The following EGFLAM variants were observed in gnomAD, a reference collection of about 807,000 sequenced individuals.
EGFLAM encodes EGF like, fibronectin type III and laminin G domains.
A neutral mutation model predicts 113.1 loss-of-function variants in EGFLAM; 79 were observed. That is an observed-to-expected ratio of 0.70 (90% CI 0.58 to 0.84). The LOEUF is 0.84. Ranked by LOEUF, EGFLAM falls within the 40% of genes least tolerant of loss-of-function variation. EGFLAM has a pLI of 0.00. For missense variants in EGFLAM, 1,265 were observed against 1,291.6 expected (o/e 0.98, Z 0.32); for synonymous variants, 504 against 487.6 (o/e 1.03, Z -0.44).
At chr5:38,384,753 C>A (rs1268779405) in intron 6 of EGFLAM, among the ~76,000 whole-genome samples, 1 of 152,084 alleles carries the variant, frequency 6.6e-6, no homozygotes, top group African/African-American at 2.4e-5. Flanking sequence ...CACTTGGCTC[C>A]CACAGGCTCT....
At chr5:38,456,696 C>T (rs1327710033) in intron 19 of EGFLAM, among the ~76,000 whole-genome samples, 2 of 152,216 alleles carry the variant, frequency 1.3e-5, no homozygotes, top group East Asian at 3.8e-4. Context: ...AAGCCAAGCA[C>T]TTTCTATTCT....
rs1741284124 is a variant in EGFLAM at position 38,406,327 on chromosome 5, T to C, written c.828+86T>C. On this transcript the variant is annotated intron_variant, in intron 7 of 21. Coordinates refer to ENST00000322350, the MANE Select transcript of EGFLAM (RefSeq NM_152403.4). Reference sequence around the variant, plus strand: ...ATTTAGCCAATGGACCATAAACATTTTACTTAAAACTTAAATGTGCCCATT... The same window carrying C: ...ATTTAGCCAATGGACCATAAACATTCTACTTAAAACTTAAATGTGCCCATT... 3.3e-6 allele frequency: 4 copies of C among 1,207,680 alleles called. No homozygotes were observed. In the Admixed American group the frequency reaches 8.7e-5, roughly 26 times the overall value. The allele number at this position is 1,207,680 out of a possible 1,614,324, so 74.8% of individuals were successfully genotyped here. A position where few individuals can be genotyped will look rare whatever the true frequency, so the allele number is the denominator to read the frequency against.
At chr5:38,427,450 G>T (rs1354321748) in intron 14 of EGFLAM, 198 bp downstream of exon 14, 3 of 800,058 alleles carry the variant, frequency 3.7e-6, no homozygotes, top group East Asian at 5.8e-5. Context: ...TGCCCACAAG[G>T]CTTCCTTTTC....
At chr5:38,355,941 A>G (rs958132182) in intron 5 of EGFLAM, among the ~76,000 whole-genome samples, 2 of 152,066 alleles carry the variant, frequency 1.3e-5, no homozygotes, top group Non-Finnish European at 1.5e-5. Context: ...ATGTATTTTT[A>G]GTAAGATGGG....
intron 1 of EGFLAM, among the ~76,000 whole-genome samples, chr5:38,316,322 C>T (rs866601404): frequency 5.3e-5 from 8 of 152,026 alleles, no homozygotes; most frequent in African/African-American, 1.9e-4. Context: ...ATGACTGTGT[C>T]ATTTCCATCC....
intron 1 of EGFLAM, among the ~76,000 whole-genome samples, chr5:38,315,507 T>C (rs897044534): frequency 1.4e-4 from 22 of 152,330 alleles, no homozygotes; most frequent in African/African-American, 5.3e-4. Flanking sequence ...GCTGTTATAC[T>C]TTCTCAATTC....
chr5:38,259,199 T>G (rs949117282), intron 1 of EGFLAM, among the ~76,000 whole-genome samples: 10 of 152,296 alleles, frequency 6.6e-5, no homozygotes, highest in African/African-American at 2.2e-4. Flanking sequence ...CAGCCCCTCC[T>G]GCGTCTCCAA....
chr5:38,423,323 C>T (rs1366872465), intron 12 of EGFLAM, among the ~76,000 whole-genome samples: 1 of 152,076 alleles, frequency 6.6e-6, no homozygotes, highest in African/African-American at 2.4e-5. Flanking sequence ...TTTTTCATCT[C>T]CTCCACTCCT....
Position 38,407,092 on chromosome 5 carries a change from G to C in EGFLAM, c.1093G>C (p.Gly365Arg). 1 of 1,614,116 alleles carries C rather than the reference G, an allele frequency of 6.2e-7. No individual in the cohort carries two copies. The highest frequency in any genetic ancestry group is 8.5e-7 in the Non-Finnish European group (1 of 1,180,028). Residue 365 changes from glycine to arginine, a missense_variant, in exon 8 of 22, where the codon GGG (glycine) becomes CGG (arginine). Physicochemically the swap from Gly to Arg is moderately radical, Grantham distance 125 (BLOSUM62 -2). Transcript: ENST00000322350. ...CTTCTGTGTCAATGACTACACCTGG[G>C]GGGGCTCGCGATGCCAGTGCACCCT... ...DSFCVNDYTW[G>R]GSRCQCTLGK...
At chr5:38,283,324 G>A (rs58965017) in intron 1 of EGFLAM, among the ~76,000 whole-genome samples, 1,540 of 152,142 alleles carry the variant, frequency 0.01, 26 homozygotes, top group African/African-American at 0.035. Context: ...GAAGAAGACC[G>A]GTAGGAATTA....
chr5:38,423,445 C>CA (rs1277398597), intron 12 of EGFLAM, among the ~76,000 whole-genome samples: 1 of 152,324 alleles, frequency 6.6e-6, no homozygotes, highest in East Asian at 1.9e-4. Context: ...CCCCTACCCC[C>CA]ACCTCTTAAA....
At chr5:38,394,711 C>CTTTTTTTTTTTT (rs11451294) in intron 6 of EGFLAM, among the ~76,000 whole-genome samples, 1 of 121,724 alleles carries the variant, frequency 8.2e-6, no homozygotes, top group African/African-American at 3.3e-5. Flanking sequence ...GCCGGGCCCA[C>CTTTTTTTTTTTT]TTTTTTTTTT....
chr5:38,389,812 T>G (rs1320239969), intron 6 of EGFLAM, among the ~76,000 whole-genome samples: 1 of 152,214 alleles, frequency 6.6e-6, no homozygotes, highest in Non-Finnish European at 1.5e-5. Context: ...TATTTTTATC[T>G]CTTTGACATT....
At chr5:38,463,737 C>G (rs1415491605) in intron 21 of EGFLAM, 95 bp from the exon 22 acceptor site, 24 of 1,493,278 alleles carry the variant, frequency 1.6e-5, no homozygotes, top group Non-Finnish European at 2.0e-5. Context: ...ATGCCTTGGC[C>G]AGCAGCCATT....
intron 6 of EGFLAM, among the ~76,000 whole-genome samples, chr5:38,395,338 A>C (rs545122737): frequency 2.5e-4 from 37 of 147,974 alleles, no homozygotes; most frequent in Non-Finnish European, 4.7e-4. Context: ...GGAACTCCTG[A>C]GCTAATGGGA....
intron 1 of EGFLAM, among the ~76,000 whole-genome samples, chr5:38,331,495 C>A (rs1739041409): frequency 6.6e-6 from 1 of 152,108 alleles, no homozygotes. Context: ...CAGTATGTAG[C>A]CTCTTCAGAT....
At chr5:38,341,960 C>T (rs1383655099) in intron 3 of EGFLAM, among the ~76,000 whole-genome samples, 1 of 150,664 alleles carries the variant, frequency 6.6e-6, no homozygotes, top group Non-Finnish European at 1.5e-5. Flanking sequence ...TTTTTCCTCT[C>T]TCCAGGGACA....
chr5:38,405,503 T>C (rs531906180), intron 6 of EGFLAM, among the ~76,000 whole-genome samples: 11 of 152,352 alleles, frequency 7.2e-5, no homozygotes, highest in Admixed American at 2.0e-4. Flanking sequence ...TGTTGATATA[T>C]TAAATGATGA....
chr5:38,441,593 T>TACACACACACACACACAC (rs3048229), intron 17 of EGFLAM, among the ~76,000 whole-genome samples: 340 of 147,644 alleles, frequency 2.3e-3, no homozygotes, highest in Middle Eastern at 6.9e-3. Context: ...CGCTGCTTTG[T>TACACACACACACACACAC]ACACACACAC....
Sources: allele counts gnomAD v4.1 joint callset (sites outside exome capture counted in the v4.1 genomes callset), GRCh38; gene constraint gnomAD v4.1.1; transcripts MANE v1.5; gene names NCBI Gene and HGNC (gene_info 2026-07-23, HGNC 2026-07-21).